Variants in DGKH observed in about 807,000 individuals in gnomAD.
DGKH encodes the protein diacylglycerol kinase eta, also known as DAG kinase eta.
In DGKH, 90 loss-of-function variants were observed where a neutral mutation model predicts 159.3. The observed-to-expected ratio is 0.57, with a 90% CI of 0.48 to 0.67. The LOEUF is 0.67. DGKH is among the 30% of genes least tolerant of loss of function. The pLI is 0.00. For missense variants in DGKH, 1,181 were observed against 1,506.1 expected (o/e 0.78, Z 3.57); for synonymous variants, 536 against 553.8 (o/e 0.97, Z 0.45).
In DGKH at chr13:42,166,508, T is replaced by C; in HGVS notation, c.959-7T>C. Reference sequence around the variant, plus strand: ...TGTATTGATCTTGTGTTGTGTTTTTTTCACAGGTTTCTGTAGAGCAACATT... The same window carrying C: ...TGTATTGATCTTGTGTTGTGTTTTTCTCACAGGTTTCTGTAGAGCAACATT... On this transcript the variant is annotated splice_region_variant and splice_polypyrimidine_tract_variant and intron_variant, in intron 8 of 29. Transcript: ENST00000337343. 6.7e-7 allele frequency: 1 copy of C among 1,503,440 alleles called. No homozygotes were observed. The highest frequency in any genetic ancestry group is 1.4e-5 in the South Asian group (1 of 71,386). 93.1% of individuals were successfully genotyped at this position (1,503,440 alleles called of 1,614,324 possible). A position where few individuals can be genotyped will look rare whatever the true frequency, so the allele number is the denominator to read the frequency against.
chr13:42,144,572 A>G lies in DGKH; in HGVS notation c.385-10719A>G, dbSNP rs1176034200. Reference sequence around the variant, plus strand: ...CATGGTGGCGCGTGCCTGTAATTCCAGCTACTCAGGAGGCAGAGACAGGAG... The same window carrying G: ...CATGGTGGCGCGTGCCTGTAATTCCGGCTACTCAGGAGGCAGAGACAGGAG... On this transcript the variant is annotated intron_variant, in intron 3 of 29. Transcript: ENST00000337343. Among the ~76,000 whole-genome samples, 3 of 152,178 alleles carry G rather than the reference A, an allele frequency of 2.0e-5. No individual in the cohort carries two copies. In the East Asian group the frequency reaches 5.8e-4, roughly 29 times the overall value.
chr13:42,206,994 T>G (rs1464224012), intron 21 of DGKH, among the ~76,000 whole-genome samples: 1 of 138,336 alleles, frequency 7.2e-6, no homozygotes, highest in African/African-American at 2.7e-5. Context: ...TTTCTTTCTT[T>G]CTTTCTTTCT....
At chr13:42,127,341 G>A (rs1310257462) in intron 1 of DGKH, 122 bp from the exon 2 acceptor site, 2 of 738,432 alleles carry the variant, frequency 2.7e-6, no homozygotes, top group East Asian at 2.7e-5. Flanking sequence ...ATATTCTCCT[G>A]TAATTTGTAA....
At position 42,069,713 on chromosome 13, in the gene DGKH, C is replaced by G. The variant is rs927800042; in HGVS notation, c.192+20748C>G. ...TCATAGTAACAGTTAACTTCATTCT[C>G]TCTCCAAACTAAGTTATCTAAATAT... On this transcript the variant is annotated intron_variant, in intron 1 of 29. Transcript: ENST00000337343. 23 of 1,118,194 alleles carry G rather than the reference C, an allele frequency of 2.1e-5. No individual in the cohort carries two copies. In the African/African-American group the frequency reaches 2.7e-4, roughly 13 times the overall value. The allele number at this position is 1,118,194 out of a possible 1,614,324, so 69.3% of individuals were successfully genotyped here. A position where few individuals can be genotyped will look rare whatever the true frequency, so the allele number is the denominator to read the frequency against.
rs1422156402 is a variant in DGKH, at chr13:42,235,994, T to A, written c.*6806T>A. ...CAAACTGCCAAGATGTATTTTAGTT[T>A]GCAGGATTTTTGGCAGACAAAATAT... On this transcript the variant is annotated 3_prime_UTR_variant, in exon 30 of 30. Transcript: ENST00000337343. 2.0e-5 allele frequency: 3 copies of A among 152,192 alleles called. No individual in the cohort carries two copies. Among genetic ancestry groups the A allele is most frequent in the Non-Finnish European group, 2.9e-5 (2 of 68,010 alleles). The allele number at this position is 152,192 out of a possible 1,614,324, so 9.4% of individuals were successfully genotyped here.
chr13:42,125,851 C>A (rs1295571346), intron 1 of DGKH, among the ~76,000 whole-genome samples: 3 of 152,160 alleles, frequency 2.0e-5, no homozygotes, highest in East Asian at 3.8e-4. Context: ...TCATATAGAT[C>A]TCATTATCAT....
intron 13 of DGKH, among the ~76,000 whole-genome samples, chr13:42,183,221 C>T (rs1250259521): frequency 2.0e-5 from 3 of 151,662 alleles, no homozygotes; most frequent in African/African-American, 4.8e-5. Context: ...CATGAGAGTT[C>T]GAGGCTGCAG....
chr13:42,178,276 C>T, intron 13 of DGKH, 56 bp downstream of exon 13: 1 of 1,362,528 alleles, frequency 7.3e-7, no homozygotes, highest in Non-Finnish European at 1.0e-6. Context: ...ATAGCTGGCT[C>T]CTACCATTTA....
intron 15 of DGKH, 44 bp downstream of exon 15, chr13:42,189,353 T>C: frequency 1.2e-6 from 2 of 1,609,226 alleles, no homozygotes; most frequent in Non-Finnish European, 1.7e-6. Flanking sequence ...TGGCAGCATT[T>C]CTACTGCAAG....
At chr13:42,172,207 A>G (rs1956477331) in intron 11 of DGKH, among the ~76,000 whole-genome samples, 1 of 149,746 alleles carries the variant, frequency 6.7e-6, no homozygotes, top group African/African-American at 2.5e-5. Context: ...TAACCTCCAC[A>G]TTCAAGCGAT....
At chr13:42,195,234 C>G (rs1291239343) in intron 17 of DGKH, among the ~76,000 whole-genome samples, 1 of 152,154 alleles carries the variant, frequency 6.6e-6, no homozygotes, top group Non-Finnish European at 1.5e-5. Context: ...GGTGCAGTGG[C>G]TCACACCTGT....
chr13:42,116,908 T>C (rs1954978564), intron 1 of DGKH, among the ~76,000 whole-genome samples: 1 of 152,244 alleles, frequency 6.6e-6, no homozygotes, highest in South Asian at 2.1e-4. Context: ...AATGCTTTTA[T>C]TTTTGGAAAA....
chr13:42,126,704 C>T (rs1228862431), intron 1 of DGKH, among the ~76,000 whole-genome samples: 1 of 152,108 alleles, frequency 6.6e-6, no homozygotes, highest in Non-Finnish European at 1.5e-5. Flanking sequence ...CTCAAATATC[C>T]ATGTTGTTTT....
rs1954122491 is a variant in DGKH at position 42,077,502 on chromosome 13, T to G, written c.192+28537T>G. ...AGAATAAAGTCATTTATCCAAGATA[T>G]AAAAAAGGATCAATAGTATGGTCAT... is the stretch of plus-strand genomic sequence containing the variant. On this transcript the variant is annotated intron_variant, in intron 1 of 29. Transcript: ENST00000337343. Among the ~76,000 whole-genome samples the G allele has an allele frequency of 2.0e-5, 3 of 152,130 alleles. No individual in the cohort carries two copies. In the South Asian group the frequency reaches 6.2e-4, roughly 31 times the overall value.
intron 11 of DGKH, 76 bp from the exon 12 acceptor site, chr13:42,173,958 TGCGTGCGTGTGTGTGTGTGTGTGTGC>T (rs1956531576): frequency 1.5e-6 from 1 of 672,282 alleles, no homozygotes; most frequent in Non-Finnish European, 2.5e-6. Flanking sequence ...TGTGTGTGTG[TGCGTGCGTGTGTGTGTGTGTGTGTGC>T]GCGTTTATGA....
Position 42,232,161 on chromosome 13 carries a change from GA to G in DGKH, c.*2974del, listed in dbSNP as rs2138296440. Reference sequence around the variant, plus strand: ...ATCAGATCACAGCTTTGGGGAGTGGGATGGGGCCTCTATGCTTTGATCTATG... The same window carrying G: ...ATCAGATCACAGCTTTGGGGAGTGGGTGGGGCCTCTATGCTTTGATCTATG... On this transcript the variant is annotated 3_prime_UTR_variant, in exon 30 of 30. Coordinates refer to ENST00000337343, the MANE Select transcript of DGKH (RefSeq NM_178009.5). The G allele has an allele frequency of 6.6e-6, 1 of 152,330 alleles. No homozygotes were observed. Among genetic ancestry groups the G allele is most frequent in the South Asian group, 2.1e-4 (1 of 4,818 alleles). 9.4% of individuals were successfully genotyped at this position (152,330 alleles called of 1,614,324 possible).
At chr13:42,077,265 A>C (rs1031696881) in intron 1 of DGKH, among the ~76,000 whole-genome samples, 3 of 104,866 alleles carry the variant, frequency 2.9e-5, no homozygotes, top group African/African-American at 6.6e-5. Context: ...TAAAAATAAC[A>C]GTATGTTTTC....
intron 21 of DGKH, among the ~76,000 whole-genome samples, chr13:42,206,975 T>TTTCTTTCTTTCTTTCTTTC (rs1555275938): frequency 1.2e-5 from 1 of 82,310 alleles, no homozygotes; most frequent in Admixed American, 1.4e-4. Flanking sequence ...TACTTTTACT[T>TTTCTTTCTTTCTTTCTTTC]TTTCTTTCTT....
At chr13:42,128,639 A>ATGAG (rs1955220761) in intron 2 of DGKH, among the ~76,000 whole-genome samples, 1 of 34,528 alleles carries the variant, frequency 2.9e-5, no homozygotes, top group East Asian at 3.2e-4. Context: ...TCCATGATTC[A>ATGAG]CGAGAGAGAG....
Sources: gnomAD v4.1 joint callset for allele counts (sites outside exome capture counted in the v4.1 genomes callset) on GRCh38, gnomAD v4.1.1 for gene constraint, MANE v1.5 for transcripts, NCBI Gene and HGNC (gene_info 2026-07-23, HGNC 2026-07-21) for gene names.